The following ATP11A variants were observed in gnomAD, a reference collection of about 807,000 sequenced individuals.
The protein encoded by ATP11A is ATPase phospholipid transporting 11A, also known as phospholipid-transporting ATPase IH.
ATP11A carries 81 observed loss-of-function variants against 154.4 expected under a neutral mutation model. That is an observed-to-expected ratio of 0.52 (90% CI 0.44 to 0.63). The LOEUF (loss-of-function observed/expected upper bound fraction) is 0.63. Ranked by LOEUF, ATP11A falls within the 30% of genes least tolerant of loss-of-function variation. The pLI, the probability that ATP11A is intolerant of heterozygous loss-of-function variation, is 0.00. For synonymous variants in ATP11A, 623 were observed against 585.9 expected (o/e 1.06, Z -0.91); for missense variants, 1,316 against 1,474.3 (o/e 0.89, Z 1.76).
intron 20 of ATP11A, 67 bp from the exon 21 acceptor site, chr13:112,857,751 T>TAGTGAA: frequency 7.9e-7 from 1 of 1,263,056 alleles, no homozygotes; most frequent in Non-Finnish European, 1.1e-6. Flanking sequence ...TATTTCTGCC[T>TAGTGAA]AGTGAATGAA....
At position 112,788,670 on chromosome 13, in the gene ATP11A, C is replaced by T. The variant is rs555352988; in HGVS notation, c.162+3413C>T. 1.3e-4 allele frequency among the ~76,000 whole-genome samples: 19 copies of T among 151,464 alleles called. No individual in the cohort carries two copies. In the South Asian group the frequency reaches 1.9e-3, roughly 15 times the overall value. Reference sequence around the variant, plus strand: ...CTGTGGAGACCTATTTAATTCACACCGGGTGTCCTGATGTGTAGACCCCTG... The same window carrying T: ...CTGTGGAGACCTATTTAATTCACACTGGGTGTCCTGATGTGTAGACCCCTG... On this transcript the variant is annotated intron_variant, in intron 2 of 29. Coordinates refer to ENST00000375645, the MANE Select transcript of ATP11A (RefSeq NM_015205.3).
rs1359821578 is a variant in ATP11A, at chr13:112,875,248, C to T, written c.3162-528C>T. On this transcript the variant is annotated intron_variant, in intron 27 of 29. Coordinates refer to ENST00000375645, the MANE Select transcript of ATP11A (RefSeq NM_015205.3). The surrounding 1 kb of genome is among the most constrained non-coding windows in gnomAD (Gnocchi z 4.1). ...TGGGATGTGAAAGGCGATCAGGAAA[C>T]GTTACCGGAAGGCACGTATAGACGT... Among the ~76,000 whole-genome samples, 1 of 152,166 alleles carries T rather than the reference C, an allele frequency of 6.6e-6. No homozygotes were observed. The highest frequency in any genetic ancestry group is 1.5e-5 in the Non-Finnish European group (1 of 68,026).
Position 112,882,316 on chromosome 13 carries a change from A to G in ATP11A, c.*450A>G. On this transcript the variant is annotated 3_prime_UTR_variant, in exon 30 of 30. Coordinates refer to ENST00000375645, the MANE Select transcript of ATP11A (RefSeq NM_015205.3). The surrounding 1 kb of genome is among the most constrained non-coding windows in gnomAD (Gnocchi z 5.1). ...CCTGTGTCTTCACCCACCTGCCATCATTGGCCTTTGCTGTCACTGGGAGAG... is the reference window on the plus strand; with the variant it reads ...CCTGTGTCTTCACCCACCTGCCATCGTTGGCCTTTGCTGTCACTGGGAGAG... 1 of 383,352 alleles carries G rather than the reference A, an allele frequency of 2.6e-6. No homozygotes were observed. The highest frequency in any genetic ancestry group is 4.8e-6 in the Non-Finnish European group (1 of 206,764). The allele number at this position is 383,352 out of a possible 1,614,324, so 23.7% of individuals were successfully genotyped here.
At chr13:112,784,603 A>G (rs540425475) in intron 1 of ATP11A, among the ~76,000 whole-genome samples, 1 of 151,042 alleles carries the variant, frequency 6.6e-6, no homozygotes, top group African/African-American at 2.4e-5. Flanking sequence ...GGTCACTGCA[A>G]GCTCCACCTC....
rs370569880 is a variant in ATP11A at position 112,871,812 on chromosome 13, C to G, written c.3057+12C>G. The G allele has an allele frequency of 9.9e-6, 16 of 1,613,096 alleles. No individual in the cohort carries two copies. Among genetic ancestry groups the G allele is most frequent in the Middle Eastern group, 1.6e-4 (1 of 6,084 alleles). On this transcript the variant is annotated intron_variant, in intron 26 of 29. Transcript: ENST00000375645. ...CAGTTACACTAAAGGTAAGTGGTCT[C>G]GCGCTCACGTTCCTCCCCCAGCCAC...
intron 2 of ATP11A, among the ~76,000 whole-genome samples, chr13:112,791,115 C>G (rs992550776): frequency 6.6e-6 from 1 of 152,200 alleles, no homozygotes; most frequent in Admixed American, 6.5e-5. Flanking sequence ...TGTACTTCAC[C>G]CATCCCCCAC....
chr13:112,868,102 T>C (rs938005494), intron 25 of ATP11A, among the ~76,000 whole-genome samples: 1 of 152,224 alleles, frequency 6.6e-6, no homozygotes, highest in African/African-American at 2.4e-5. Flanking sequence ...ATGCCACAAA[T>C]GAGAATGCGA....
In ATP11A at chr13:112,849,702, T is replaced by C. The variant is rs150172969; in HGVS notation, c.1810-1335T>C. On this transcript the variant is annotated intron_variant, in intron 17 of 29. Transcript: ENST00000375645. ...CCACTTATTTATTCAGCAAACGTTG[T>C]TGAGTTTTGGCTGTGTGCCAGGGAT... is the stretch of plus-strand genomic sequence containing the variant. Among the ~76,000 whole-genome samples the C allele has an allele frequency of 7.5e-4, 115 of 152,338 alleles. 1 individual carries two copies. The East Asian group carries it at 0.017, about 22-fold the overall frequency.
At chr13:112,714,124 C>G in intron 1 of ATP11A, among the ~76,000 whole-genome samples, 1 of 119,896 alleles carries the variant, frequency 8.3e-6, no homozygotes, top group Non-Finnish European at 1.8e-5. Context: ...CACCCCTGAT[C>G]CCACAACTCC....
intron 8 of ATP11A, 149 bp downstream of exon 8, chr13:112,820,099 C>A: frequency 2.6e-6 from 2 of 758,578 alleles, no homozygotes; most frequent in Non-Finnish European, 4.1e-6. Context: ...GCTCCACTCT[C>A]GTCTCTGGTT....
rs560543194 is a variant in ATP11A, at chr13:112,699,551, G to A, written c.39+9096G>A. Among the ~76,000 whole-genome samples, 5 of 152,348 alleles carry A rather than the reference G, an allele frequency of 3.3e-5. 1 individual carries two copies. The highest frequency in any genetic ancestry group is 1.2e-4 in the African/African-American group (5 of 41,580). On this transcript the variant is annotated intron_variant, in intron 1 of 29. Transcript: ENST00000375645. ...GGGTTGGTGGTCCGTTGTGAACTCT[G>A]CACCGTATAGTGTGTGTGCTTTATG...
chr13:112,834,074 C>A (rs1245947270), intron 14 of ATP11A, among the ~76,000 whole-genome samples: 1 of 152,246 alleles, frequency 6.6e-6, no homozygotes, highest in Non-Finnish European at 1.5e-5. Flanking sequence ...AGGTCGCTGA[C>A]CCCCAGGCGT....
At chr13:112,863,998 A>G (rs1312836721) in intron 25 of ATP11A, among the ~76,000 whole-genome samples, 1 of 79,076 alleles carries the variant, frequency 1.3e-5, no homozygotes, top group African/African-American at 4.7e-5. Flanking sequence ...GTCCATCACC[A>G]CGTGCACAGT....
chr13:112,879,266 A>G (rs971120821), intron 29 of ATP11A, among the ~76,000 whole-genome samples: 4 of 152,352 alleles, frequency 2.6e-5, no homozygotes, highest in Non-Finnish European at 5.9e-5. Flanking sequence ...ATCATCTTCT[A>G]TATATTTTAA....
chr13:112,800,620 C>T (rs572915252), intron 2 of ATP11A, among the ~76,000 whole-genome samples: 12 of 151,588 alleles, frequency 7.9e-5, no homozygotes, highest in South Asian at 2.1e-4. Context: ...GTAATAGAAG[C>T]GGAAGGAACA....
intron 17 of ATP11A, among the ~76,000 whole-genome samples, chr13:112,846,849 C>G (rs976093552): frequency 6.6e-6 from 1 of 152,222 alleles, no homozygotes; most frequent in African/African-American, 2.4e-5. Flanking sequence ...AGACCCACAG[C>G]AGTGCCTGCC....
chr13:112,885,278 A>G lies in ATP11A; in HGVS notation c.*3412A>G, dbSNP rs547673880. On this transcript the variant is annotated 3_prime_UTR_variant, in exon 30 of 30. Transcript: ENST00000375645. ...GGTAAGCACACATGTACAAGCTCCTACAGGCTTGCTCTCACACACGTGTAT... is the reference window on the plus strand; with the variant it reads ...GGTAAGCACACATGTACAAGCTCCTGCAGGCTTGCTCTCACACACGTGTAT... The G allele has an allele frequency of 4.9e-4, 75 of 152,276 alleles. No homozygotes were observed. Among genetic ancestry groups the G allele is most frequent in the African/African-American group, 1.8e-3 (73 of 41,460 alleles). The allele number at this position is 152,276 out of a possible 1,614,324, so 9.4% of individuals were successfully genotyped here.
intron 7 of ATP11A, 107 bp downstream of exon 7, chr13:112,819,514 T>C (rs1006934410): frequency 2.3e-6 from 2 of 869,480 alleles, no homozygotes; most frequent in African/African-American, 3.4e-5. Context: ...GGAAAGAGAA[T>C]GTAAATCACT....
intron 1 of ATP11A, among the ~76,000 whole-genome samples, chr13:112,743,348 G>A (rs1891749284): frequency 1.3e-5 from 2 of 152,256 alleles, no homozygotes; most frequent in South Asian, 4.1e-4. Context: ...GTGATGATCT[G>A]TGCAGATGTT....
Sources: gnomAD v4.1 joint callset for allele counts (sites outside exome capture counted in the v4.1 genomes callset) on GRCh38, gnomAD v4.1.1 for gene constraint, Gnocchi (gnomAD v3.1) non-coding constraint, MANE v1.5 for transcripts, NCBI Gene and HGNC (gene_info 2026-07-23, HGNC 2026-07-21) for gene names.